PLXDC2: variants seen among roughly 807,000 people sequenced by gnomAD.
PLXDC2 encodes plexin domain containing 2.
A neutral mutation model predicts 68.9 loss-of-function variants in PLXDC2; 40 were observed. That is an observed-to-expected ratio of 0.58 (90% CI 0.45 to 0.76). The LOEUF (loss-of-function observed/expected upper bound fraction) is 0.76, where lower values mean the gene tolerates loss of function less well. PLXDC2 is among the 30% of genes least tolerant of loss of function. PLXDC2 has a pLI of 0.00. For missense variants in PLXDC2, 644 were observed against 661.9 expected (o/e 0.97, Z 0.30); for synonymous variants, 243 against 234.2 (o/e 1.04, Z -0.34).
chr10:20,059,980 A>G (rs1163911302), intron 3 of PLXDC2, among the ~76,000 whole-genome samples: 2 of 152,068 alleles, frequency 1.3e-5, no homozygotes, highest in Non-Finnish European at 2.9e-5. Flanking sequence ...TTGTTGTGAA[A>G]GCCTATCAAT....
intron 1 of PLXDC2, among the ~76,000 whole-genome samples, chr10:19,954,389 C>G (rs1834035735): frequency 3.3e-5 from 5 of 152,128 alleles, no homozygotes; most frequent in Admixed American, 3.3e-4. Context: ...AGAAGAAACC[C>G]AGGAGTAAGC....
intron 3 of PLXDC2, among the ~76,000 whole-genome samples, chr10:20,067,833 A>G (rs1173634698): frequency 1.3e-5 from 2 of 152,326 alleles, no homozygotes; most frequent in Non-Finnish European, 1.5e-5. Flanking sequence ...TTTTAATCCA[A>G]TGAATCTTGA....
chr10:20,077,778 T>C (rs1343978060), intron 4 of PLXDC2, among the ~76,000 whole-genome samples: 1 of 152,194 alleles, frequency 6.6e-6, no homozygotes, highest in Non-Finnish European at 1.5e-5. Flanking sequence ...TAAACAAAAG[T>C]GTAAATTATA....
intron 6 of PLXDC2, among the ~76,000 whole-genome samples, chr10:20,162,042 AAGAGAG>A (rs139175193): frequency 0.19 from 13,637 of 71,854 alleles, 2,576 homozygotes; most frequent in Middle Eastern, 0.25. Context: ...GAAAGAAAGA[AAGAGAG>A]AGAGAGAGAG....
chr10:20,213,926 A>G (rs765987222), intron 10 of PLXDC2, among the ~76,000 whole-genome samples: 2 of 152,036 alleles, frequency 1.3e-5, no homozygotes, highest in African/African-American at 4.8e-5. Context: ...TTAAACCTCT[A>G]TTATATGTAA....
chr10:19,860,427 G>A (rs1008761718), intron 1 of PLXDC2, among the ~76,000 whole-genome samples: 1 of 152,166 alleles, frequency 6.6e-6, no homozygotes. Context: ...GTTGATGAAT[G>A]AGCGAAAGAA....
At chr10:20,025,609 A>T (rs1313330200) in intron 2 of PLXDC2, among the ~76,000 whole-genome samples, 2 of 152,046 alleles carry the variant, frequency 1.3e-5, no homozygotes, top group Non-Finnish European at 2.9e-5. Context: ...ATGGTATCGC[A>T]TTGTAGTTTT....
chr10:20,031,262 C>G (rs1359848802), intron 2 of PLXDC2, among the ~76,000 whole-genome samples: 1 of 151,790 alleles, frequency 6.6e-6, no homozygotes, highest in Admixed American at 6.6e-5. Context: ...CCCAGCTACT[C>G]AGGAGGCTAA....
chr10:20,245,712 C>G (rs933343371), intron 13 of PLXDC2, among the ~76,000 whole-genome samples: 2 of 152,154 alleles, frequency 1.3e-5, no homozygotes, highest in African/African-American at 2.4e-5. Flanking sequence ...TACCTTATCT[C>G]AGGAGCTTTT....
In PLXDC2 at chr10:20,002,082, A is replaced by G. The variant is rs567061897; in HGVS notation, c.324+96A>G. The G allele has an allele frequency of 5.5e-5, 69 of 1,251,824 alleles. No homozygotes were observed. The Admixed American group carries it at 6.7e-4, about 12-fold the overall frequency. The allele number at this position is 1,251,824 out of a possible 1,614,324, so 77.5% of individuals were successfully genotyped here. A position where few individuals can be genotyped will look rare whatever the true frequency, so the allele number is the denominator to read the frequency against. The stretch of plus-strand genomic sequence containing the variant: ...AGACATAAGTTGTCTCTTCATCTCA[A>G]TCTAGAAATTTTGGATTTCTTTTAA... On this transcript the variant is annotated intron_variant, in intron 2 of 13. Coordinates refer to ENST00000377252, the MANE Select transcript of PLXDC2 (RefSeq NM_032812.9).
intron 1 of PLXDC2, among the ~76,000 whole-genome samples, chr10:19,964,067 G>A (rs1031969807): frequency 2.0e-5 from 3 of 152,204 alleles, no homozygotes; most frequent in African/African-American, 7.2e-5. Context: ...TCGGTTATAA[G>A]CAATGTTCTG....
intron 6 of PLXDC2, among the ~76,000 whole-genome samples, chr10:20,155,535 A>G (rs1167931580): frequency 6.6e-6 from 1 of 152,180 alleles, no homozygotes. Flanking sequence ...ATGCTGATTA[A>G]AAGCTCTCAA....
At chr10:20,262,700 T>G (rs1377550750) in intron 13 of PLXDC2, among the ~76,000 whole-genome samples, 1 of 152,252 alleles carries the variant, frequency 6.6e-6, no homozygotes, top group East Asian at 1.9e-4. Flanking sequence ...TGCTGCCATC[T>G]TTACTGTTTC....
At chr10:19,940,632 T>G (rs573350332) in intron 1 of PLXDC2, among the ~76,000 whole-genome samples, 10 of 152,150 alleles carry the variant, frequency 6.6e-5, no homozygotes, top group Admixed American at 5.2e-4. Context: ...ATTGTCTCCT[T>G]GAATAACAAG....
chr10:19,848,476 G>C (rs1837054389), intron 1 of PLXDC2, among the ~76,000 whole-genome samples: 1 of 152,130 alleles, frequency 6.6e-6, no homozygotes, highest in East Asian at 1.9e-4. Context: ...ATCCAGTGAG[G>C]GTTCTTGAAT....
At chr10:19,961,245 A>G (rs1834150285) in intron 1 of PLXDC2, among the ~76,000 whole-genome samples, 2 of 152,222 alleles carry the variant, frequency 1.3e-5, no homozygotes, top group South Asian at 2.1e-4. Context: ...TTCAAGATCA[A>G]AATAGAAGTC....
rs569994392 is a variant in PLXDC2, at chr10:19,884,715, G to A, written c.112+67524G>A. Among the ~76,000 whole-genome samples, 72 of 152,272 alleles carry A rather than the reference G, an allele frequency of 4.7e-4. 1 individual carries two copies. The highest frequency in any genetic ancestry group is 1.6e-3 in the African/African-American group (67 of 41,564). ...TTTTATGGCTGCATAGTATTCCATG[G>A]TGTATATGTGCCACATTTTCTTAAT... is the stretch of plus-strand genomic sequence containing the variant. On this transcript the variant is annotated intron_variant, in intron 1 of 13. Coordinates refer to ENST00000377252, the MANE Select transcript of PLXDC2 (RefSeq NM_032812.9).
At chr10:20,060,281 C>A (rs1211807226) in intron 3 of PLXDC2, among the ~76,000 whole-genome samples, 2 of 83,522 alleles carry the variant, frequency 2.4e-5, no homozygotes, top group Non-Finnish European at 5.0e-5. Context: ...TCCTGCCTCC[C>A]AAAGCACTGG....
intron 12 of PLXDC2, among the ~76,000 whole-genome samples, chr10:20,224,593 C>T (rs971665739): frequency 7.2e-5 from 11 of 152,104 alleles, no homozygotes; most frequent in Non-Finnish European, 1.2e-4. Context: ...CAAGTTGAAT[C>T]AATGGCAGGA....
Sources: gnomAD v4.1 joint callset for allele counts (sites outside exome capture counted in the v4.1 genomes callset) on GRCh38, gnomAD v4.1.1 for gene constraint, MANE v1.5 for transcripts, NCBI Gene and HGNC (gene_info 2026-07-23, HGNC 2026-07-21) for gene names.